MAGI2: variants seen among roughly 807,000 people sequenced by gnomAD.
The protein encoded by MAGI2 is membrane-associated guanylate kinase, WW and PDZ domain-containing protein 2.
A neutral mutation model predicts 133.3 loss-of-function variants in MAGI2; 35 were observed. That is an observed-to-expected ratio of 0.26 (90% confidence interval 0.20 to 0.35). The LOEUF (loss-of-function observed/expected upper bound fraction) is 0.35, where lower values mean the gene tolerates loss of function less well. Ranked by LOEUF, MAGI2 falls within the 10% of genes least tolerant of loss-of-function variation. MAGI2 has a pLI of 1.00. For missense variants in MAGI2, 1,636 were observed against 1,863.4 expected (o/e 0.88, Z 2.25); for synonymous variants, 729 against 710.6 (o/e 1.03, Z -0.41).
intron 21 of MAGI2, among the ~76,000 whole-genome samples, chr7:78,061,137 C>T (rs1443200013): frequency 6.9e-6 from 1 of 145,580 alleles, no homozygotes; most frequent in Non-Finnish European, 1.5e-5. Context: ...GCACTCCAGC[C>T]TGGGTGAAAG....
At chr7:78,197,266 G>A (rs1828825552) in intron 11 of MAGI2, among the ~76,000 whole-genome samples, 1 of 152,110 alleles carries the variant, frequency 6.6e-6, no homozygotes, top group Non-Finnish European at 1.5e-5. Context: ...CTGACTTTAG[G>A]CAGCATGTGG....
At chr7:78,282,525 A>ACCATCTAT (rs1554322550) in intron 9 of MAGI2, among the ~76,000 whole-genome samples, 1 of 151,956 alleles carries the variant, frequency 6.6e-6, no homozygotes, top group Non-Finnish European at 1.5e-5. Context: ...AAGAATATTT[A>ACCATCTAT]CTATCTATCT....
At chr7:79,046,292 T>C (rs1480047807) in intron 1 of MAGI2, among the ~76,000 whole-genome samples, 8 of 152,234 alleles carry the variant, frequency 5.3e-5, no homozygotes, top group Non-Finnish European at 8.8e-5. Context: ...ATCTGACTGA[T>C]GTCCTTAAAG....
intron 1 of MAGI2, among the ~76,000 whole-genome samples, chr7:79,389,745 G>C (rs1844460958): frequency 6.7e-6 from 1 of 150,038 alleles, no homozygotes; most frequent in Non-Finnish European, 1.5e-5. Flanking sequence ...GTATATAATG[G>C]GGTAGGGGAA....
chr7:79,077,708 A>G (rs772257479), intron 1 of MAGI2, among the ~76,000 whole-genome samples: 3 of 151,608 alleles, frequency 2.0e-5, no homozygotes, highest in South Asian at 2.1e-4. Flanking sequence ...TCCATAATAT[A>G]TTTTGTAGCC....
chr7:78,578,023 TG>T (rs1486456031), intron 3 of MAGI2, among the ~76,000 whole-genome samples: 1 of 146,964 alleles, frequency 6.8e-6, no homozygotes, highest in Non-Finnish European at 1.5e-5. Flanking sequence ...GTTATCACTG[TG>T]AAAAAGACCA....
In MAGI2 at chr7:78,195,012, G is replaced by A. The variant is rs144078604; in HGVS notation, c.2131C>T (p.Pro711Ser). 3.7e-6 allele frequency: 6 copies of A among 1,613,798 alleles called. No homozygotes were observed. The South Asian group carries it at 4.4e-5, about 12-fold the overall frequency. The change falls in exon 12 of 22, where the codon CCG becomes TCG. Residue 711 changes from proline (P) to serine (S), a missense_variant. This residue lies in a region of MAGI2 where 920 missense variants were observed against 1,093.5 expected (regional missense o/e 0.84). Transcript: ENST00000354212. ...AAGGGCAGGTTCTGCGGTATGGCCG[G>A]AGCAGATAAACTCGTTTGAGGACTG... ...QGSPQTSLSA[P>S]AIPQNLPFPP...
chr7:79,112,133 T>G (rs751162397), intron 1 of MAGI2, among the ~76,000 whole-genome samples: 3 of 152,070 alleles, frequency 2.0e-5, no homozygotes, highest in Non-Finnish European at 4.4e-5. Context: ...CATTCTATAA[T>G]TATACATTTT....
In MAGI2 at chr7:79,385,062, A is replaced by C. The variant is rs141913219; in HGVS notation, c.301+67958T>G. On this transcript the variant is annotated intron_variant, in intron 1 of 21. Transcript: ENST00000354212. ...TTTCAACCAAACCAACAGCACCATT[A>C]TTTTCTTTAAAGTCTTATAGACAGA... is the stretch of plus-strand genomic sequence containing the variant. 3.4e-3 allele frequency among the ~76,000 whole-genome samples: 513 copies of C among 151,896 alleles called. 1 individual carries two copies. Among genetic ancestry groups the C allele is most frequent in the Middle Eastern group, 6.8e-3 (2 of 294 alleles).
intron 1 of MAGI2, among the ~76,000 whole-genome samples, chr7:79,129,471 A>G (rs757520848): frequency 2.0e-5 from 3 of 152,204 alleles, no homozygotes; most frequent in African/African-American, 7.2e-5. Flanking sequence ...ACGTAATGCA[A>G]CTTTCAGGAT....
At chr7:78,577,486 G>A (rs1379821511) in intron 3 of MAGI2, among the ~76,000 whole-genome samples, 4 of 152,092 alleles carry the variant, frequency 2.6e-5, no homozygotes, top group East Asian at 3.8e-4. Context: ...TTTCATGCAC[G>A]TCCGTGTGAA....
chr7:78,705,075 C>A (rs1055279512), intron 2 of MAGI2, among the ~76,000 whole-genome samples: 1 of 151,942 alleles, frequency 6.6e-6, no homozygotes, highest in Non-Finnish European at 1.5e-5. Flanking sequence ...AGTTTCCTTT[C>A]CTTTTTGGGG....
intron 17 of MAGI2, among the ~76,000 whole-genome samples, chr7:78,133,638 T>C (rs1248268062): frequency 6.6e-6 from 1 of 152,230 alleles, no homozygotes; most frequent in Non-Finnish European, 1.5e-5. Flanking sequence ...TCTGGAATTC[T>C]TTGCTAATAA....
chr7:78,400,099 G>T (rs764897149), intron 6 of MAGI2, among the ~76,000 whole-genome samples: 6 of 152,106 alleles, frequency 3.9e-5, no homozygotes, highest in Admixed American at 6.5e-5. Context: ...CCTCACCATT[G>T]TTTTTCTGAT....
intron 9 of MAGI2, among the ~76,000 whole-genome samples, chr7:78,297,002 CT>C (rs1294996314): frequency 1.3e-5 from 2 of 152,160 alleles, no homozygotes; most frequent in Non-Finnish European, 2.9e-5. Flanking sequence ...GGGCTACTTC[CT>C]TAATCTCTCT....
intron 2 of MAGI2, among the ~76,000 whole-genome samples, chr7:78,780,451 T>C (rs1253587499): frequency 1.3e-5 from 2 of 152,234 alleles, no homozygotes; most frequent in South Asian, 2.1e-4. Context: ...ACAGTAACTA[T>C]GAGTATCAGG....
chr7:78,852,072 G>T (rs2151481855), intron 2 of MAGI2, among the ~76,000 whole-genome samples: 1 of 152,098 alleles, frequency 6.6e-6, no homozygotes, highest in South Asian at 2.1e-4. Context: ...TTAAAGTCTT[G>T]TCGATATAAT....
At chr7:78,553,426 G>A (rs1312977815) in intron 3 of MAGI2, among the ~76,000 whole-genome samples, 1 of 152,196 alleles carries the variant, frequency 6.6e-6, no homozygotes, top group Non-Finnish European at 1.5e-5. Flanking sequence ...AAATAGTAAG[G>A]TAAATGTAAC....
At chr7:78,468,003 G>A (rs531945154) in intron 6 of MAGI2, among the ~76,000 whole-genome samples, 4 of 152,188 alleles carry the variant, frequency 2.6e-5, no homozygotes, top group South Asian at 4.1e-4. Context: ...GGACAGAAGT[G>A]GAGGGAAAAG....
Sources: gnomAD v4.1 joint callset for allele counts (sites outside exome capture counted in the v4.1 genomes callset) on GRCh38, gnomAD v4.1.1 for gene constraint, gnomAD v4.1.1 regional missense constraint, MANE v1.5 for transcripts, NCBI Gene and HGNC (gene_info 2026-07-23, HGNC 2026-07-21) for gene names.